EIF4ENIF1: variants seen among roughly 807,000 people sequenced by gnomAD.
The protein encoded by EIF4ENIF1 is eukaryotic translation initiation factor 4E nuclear import factor 1, also known as eukaryotic translation initiation factor 4E transporter.
In EIF4ENIF1, 23 loss-of-function variants were observed where a neutral mutation model predicts 110.5. The observed-to-expected ratio is 0.21, with a 90% CI of 0.15 to 0.29. The LOEUF (loss-of-function observed/expected upper bound fraction) is 0.29. Ranked by LOEUF, EIF4ENIF1 falls within the 10% of genes least tolerant of loss-of-function variation. EIF4ENIF1 has a pLI of 1.00. For synonymous variants in EIF4ENIF1, 440 were observed against 437.0 expected (o/e 1.01, Z -0.09); for missense variants, 1,031 against 1,221.1 (o/e 0.84, Z 2.32).
intron 4 of EIF4ENIF1, among the ~76,000 whole-genome samples, chr22:31,467,926 C>T (rs946259107): frequency 6.6e-6 from 1 of 152,174 alleles, no homozygotes; most frequent in Non-Finnish European, 1.5e-5. Context: ...ACTCAGTTAT[C>T]CATGCCAGTG....
chr22:31,454,502 G>A, intron 9 of EIF4ENIF1, 126 bp from the exon 10 acceptor site: 1 of 767,022 alleles, frequency 1.3e-6, no homozygotes, highest in Admixed American at 2.7e-5. Flanking sequence ...TGTCAGAAAA[G>A]ACTGACACCA....
intron 2 of EIF4ENIF1, among the ~76,000 whole-genome samples, chr22:31,474,472 T>C (rs2051499587): frequency 6.6e-6 from 1 of 151,852 alleles, no homozygotes; most frequent in African/African-American, 2.4e-5. Context: ...CCATGTGTCT[T>C]TTTCAACATG....
chr22:31,486,731 C>A (rs1002329089), intron 2 of EIF4ENIF1, among the ~76,000 whole-genome samples: 7 of 151,932 alleles, frequency 4.6e-5, no homozygotes, highest in Non-Finnish European at 1.0e-4. Context: ...GAATCAAGAT[C>A]GCACCATTGC....
intron 16 of EIF4ENIF1, 79 bp downstream of exon 16, chr22:31,442,883 T>C (rs1415573386): frequency 6.4e-7 from 1 of 1,559,052 alleles, no homozygotes; most frequent in Non-Finnish European, 8.7e-7. Context: ...GTATAGAATA[T>C]CAGGCTGGTC....
chr22:31,454,591 G>C (rs2050761851), intron 9 of EIF4ENIF1, among the ~76,000 whole-genome samples: 1 of 152,152 alleles, frequency 6.6e-6, no homozygotes, highest in African/African-American at 2.4e-5. Flanking sequence ...TTAGATGCTA[G>C]AAACTGGGGG....
intron 2 of EIF4ENIF1, among the ~76,000 whole-genome samples, chr22:31,481,564 A>G (rs2051817436): frequency 6.6e-6 from 1 of 152,232 alleles, no homozygotes; most frequent in Non-Finnish European, 1.5e-5. Context: ...TAGTTATCAA[A>G]TAAGATTTCT....
At chr22:31,474,392 A>C (rs1406372803) in intron 2 of EIF4ENIF1, among the ~76,000 whole-genome samples, 4 of 151,716 alleles carry the variant, frequency 2.6e-5, no homozygotes, top group Admixed American at 2.6e-4. Context: ...TCTATAACTC[A>C]TTAATGTCCT....
chr22:31,466,153 C>T (rs944896782), intron 4 of EIF4ENIF1, among the ~76,000 whole-genome samples: 4 of 152,158 alleles, frequency 2.6e-5, no homozygotes, highest in South Asian at 4.1e-4. Flanking sequence ...TGACTCATGC[C>T]TGTGATCCCA....
In EIF4ENIF1 at chr22:31,456,002, A is replaced by G. The variant is rs539640414; in HGVS notation, c.964-15T>C. The G allele has an allele frequency of 6.2e-7, 1 of 1,611,682 alleles. No homozygotes were observed. The highest frequency in any genetic ancestry group is 2.2e-5 in the East Asian group (1 of 44,848). On this transcript the variant is annotated splice_polypyrimidine_tract_variant and intron_variant, in intron 7 of 18. Coordinates refer to ENST00000330125, the MANE Select transcript of EIF4ENIF1 (RefSeq NM_019843.4). ...TCTTCTATCATCTGAAGAAAAAGACAATAAAAACTAATAGTTTCTAGATGA... is the reference window on the plus strand; with the variant it reads ...TCTTCTATCATCTGAAGAAAAAGACGATAAAAACTAATAGTTTCTAGATGA...
chr22:31,490,345 G>C (rs1435461422), upstream of EIF4ENIF1, among the ~76,000 whole-genome samples: 1 of 152,248 alleles, frequency 6.6e-6, no homozygotes, highest in Non-Finnish European at 1.5e-5. Flanking sequence ...GGTCTTCCGA[G>C]CCTTCCCAGT....
At chr22:31,441,746 C>T (rs371034376) in intron 17 of EIF4ENIF1, 28 bp downstream of exon 17, 102 of 1,574,352 alleles carry the variant, frequency 6.5e-5, no homozygotes, top group Middle Eastern at 3.4e-4. Flanking sequence ...CACAAACTGA[C>T]GACACCCAAG....
At chr22:31,461,145 C>G (rs1338347133) in intron 6 of EIF4ENIF1, among the ~76,000 whole-genome samples, 1 of 152,112 alleles carries the variant, frequency 6.6e-6, no homozygotes, top group African/African-American at 2.4e-5. Flanking sequence ...CATTGTTCTT[C>G]CCTTTACAAA....
intron 2 of EIF4ENIF1, among the ~76,000 whole-genome samples, chr22:31,483,262 G>A (rs1240345955): frequency 7.3e-6 from 1 of 137,864 alleles, no homozygotes; most frequent in Non-Finnish European, 1.5e-5. Context: ...TGCACAGGCT[G>A]TAGTGAAATG....
At chr22:31,465,276 C>T (rs1459484450) in intron 4 of EIF4ENIF1, among the ~76,000 whole-genome samples, 1 of 149,074 alleles carries the variant, frequency 6.7e-6, no homozygotes, top group East Asian at 2.0e-4. Flanking sequence ...TGAGCTGAGA[C>T]TGCACCACTG....
chr22:31,468,133 C>A, intron 4 of EIF4ENIF1, 42 bp downstream of exon 4: 1 of 1,595,206 alleles, frequency 6.3e-7, no homozygotes. Context: ...AAAGCATGTC[C>A]CCAAAATCAC....
intron 15 of EIF4ENIF1, 197 bp from the exon 16 acceptor site, chr22:31,443,291 T>C (rs1299809867): frequency 1.5e-6 from 1 of 658,912 alleles, no homozygotes; most frequent in Non-Finnish European, 2.4e-6. Context: ...CATTATCCCT[T>C]GCTTACAACT....
intron 10 of EIF4ENIF1, among the ~76,000 whole-genome samples, chr22:31,453,678 T>G (rs2145943862): frequency 6.6e-6 from 1 of 152,328 alleles, no homozygotes; most frequent in Admixed American, 6.5e-5. Context: ...CAGCCCCATC[T>G]TAGATACTTT....
At position 31,484,631 on chromosome 22, in the gene EIF4ENIF1, T is replaced by G. The variant is rs192965298; in HGVS notation, c.96+3992A>C. Among the ~76,000 whole-genome samples, 698 of 152,022 alleles carry G rather than the reference T, an allele frequency of 4.6e-3. 2 individuals carry two copies. The highest frequency in any genetic ancestry group is 0.017 in the Middle Eastern group (5 of 288). The stretch of plus-strand genomic sequence containing the variant: ...GGCGGATCACCTGAGGTCGGGAGTT[T>G]GACACCAGCCTGACCAACATGGAGA... On this transcript the variant is annotated intron_variant, in intron 2 of 18. Coordinates refer to ENST00000330125, the MANE Select transcript of EIF4ENIF1 (RefSeq NM_019843.4).
chr22:31,458,478 A>T lies in EIF4ENIF1; in HGVS notation c.960T>A (p.Ala320=). Residue 320 remains alanine, a synonymous_variant, in exon 7 of 19, where the codon GCT becomes GCA. Transcript: ENST00000330125. ...TTAAGTGTGCTGCTACACTCACCGA[A>T]GCCAAGCATGGCACCTTATCAAGGT... ...FFNLDKVPCL[A]SMIEDVLGEG... 3 of 1,588,162 alleles carry T rather than the reference A, an allele frequency of 1.9e-6. No individual in the cohort carries two copies. The highest frequency in any genetic ancestry group is 2.6e-6 in the Non-Finnish European group (3 of 1,161,946).
Sources: allele counts gnomAD v4.1 joint callset (sites outside exome capture counted in the v4.1 genomes callset), GRCh38; gene constraint gnomAD v4.1.1; transcripts MANE v1.5; gene names NCBI Gene and HGNC (gene_info 2026-07-23, HGNC 2026-07-21).